Variants in RILPL1 observed in about 807,000 individuals in gnomAD.
RILPL1 encodes the protein Rab interacting lysosomal protein like 1, also known as RILP-like protein 1.
Under a neutral mutation model 50.3 loss-of-function variants are expected in RILPL1, and 33 were observed. The ratio of observed to expected loss-of-function variants is 0.66; its 90% CI spans 0.50 to 0.88. The LOEUF (loss-of-function observed/expected upper bound fraction) is 0.88, where lower values mean the gene tolerates loss of function less well. Ranked by LOEUF, RILPL1 falls within the 40% of genes least tolerant of loss-of-function variation. The probability of loss-of-function intolerance (pLI) is 0.00; values close to 1 mark genes in which losing one functional copy is unlikely to be tolerated. For synonymous variants in RILPL1, 205 were observed against 228.6 expected, an observed-to-expected ratio of 0.90 and a Z score of 0.93; for missense variants, 418 against 542.5, an observed-to-expected ratio of 0.77 and a Z score of 2.28.
Position 123,489,525 on chromosome 12 carries a change from A to G in RILPL1, c.802-3720T>C, listed in dbSNP as rs570087403. The stretch of plus-strand genomic sequence containing the variant: ...TAAAAAACACAAAAATTAGTCAGGC[A>G]TGGTGGTGGGCACCTGTAATCCCAG... On this transcript the variant is annotated intron_variant, in intron 4 of 6. Transcript: ENST00000376874. The surrounding 1 kb of genome is among the most constrained non-coding windows in gnomAD (Gnocchi z 4.0). Among the ~76,000 whole-genome samples the G allele has an allele frequency of 5.3e-5, 8 of 151,332 alleles. No individual in the cohort carries two copies. In the East Asian group the frequency reaches 9.8e-4, roughly 19 times the overall value.
rs1235844645 is a variant in RILPL1 at position 123,506,167 on chromosome 12, T to C, written c.461-6631A>G. 5.9e-5 allele frequency among the ~76,000 whole-genome samples: 9 copies of C among 152,106 alleles called. No homozygotes were observed. In the South Asian group the frequency reaches 1.0e-3, roughly 18 times the overall value. ...CTCTCAGGGCAGGGGTCATTTCCGC[T>C]GAGACCAGAGGCCACAGAGGAAAGG... On this transcript the variant is annotated intron_variant, in intron 2 of 6. Transcript: ENST00000376874.
Position 123,533,448 on chromosome 12 carries a change from T to TCGGCCGCCAGCGCCGACC in RILPL1, c.17_34dup (p.Gly6_Ala11dup). ...GGCCACGTTCTTCTCCAGCGCCGACTCGGCCGCCAGCGCCGACCCCCGCTC... is the reference window on the plus strand; with the variant it reads ...GGCCACGTTCTTCTCCAGCGCCGACTCGGCCGCCAGCGCCGACCCGGCCGCCAGCGCCGACCCCCGCTC... On this transcript the variant is annotated inframe_insertion, in exon 1 of 7. Coordinates refer to ENST00000376874, the MANE Select transcript of RILPL1 (RefSeq NM_178314.5). The surrounding 1 kb of genome is among the most constrained non-coding windows in gnomAD (Gnocchi z 6.2). The TCGGCCGCCAGCGCCGACC allele has an allele frequency of 6.5e-7, 1 of 1,531,118 alleles. No individual in the cohort carries two copies. The highest frequency in any genetic ancestry group is 8.8e-7 in the Non-Finnish European group (1 of 1,136,222). The allele number at this position is 1,531,118 out of a possible 1,614,324, so 94.8% of individuals were successfully genotyped here. A position where few individuals can be genotyped will look rare whatever the true frequency, so the allele number is the denominator to read the frequency against.
At chr12:123,514,751 C>T (rs1884594224) in intron 2 of RILPL1, among the ~76,000 whole-genome samples, 1 of 152,010 alleles carries the variant, frequency 6.6e-6, no homozygotes. Flanking sequence ...AAATGATACA[C>T]TACATGCTGC....
At chr12:123,518,813 C>T (rs2139377778) in intron 2 of RILPL1, among the ~76,000 whole-genome samples, 1 of 152,054 alleles carries the variant, frequency 6.6e-6, no homozygotes, top group East Asian at 1.9e-4. Context: ...AATCCCAGCA[C>T]TTTGGGAGGC....
rs140620976 is a variant in RILPL1, at chr12:123,532,354, G to C, written c.309+820C>G. 1.3e-3 allele frequency among the ~76,000 whole-genome samples: 195 copies of C among 152,230 alleles called. 2 individuals carry two copies. In the Middle Eastern group the frequency reaches 0.027, roughly 21 times the overall value. On this transcript the variant is annotated intron_variant, in intron 1 of 6. Coordinates refer to ENST00000376874, the MANE Select transcript of RILPL1 (RefSeq NM_178314.5). ...CCCAGTGGGGAGGCCCTGATTCAGA[G>C]AGACTCCTGATCACAGGGCAGAGGC...
chr12:123,502,956 C>T (rs11522342), intron 2 of RILPL1, among the ~76,000 whole-genome samples: 23,882 of 151,104 alleles, frequency 0.16, 1,971 homozygotes, highest in Non-Finnish European at 0.18. Context: ...GGTGAGATCT[C>T]GGCTCACTGC....
At chr12:123,502,851 T>C (rs1883482794) in intron 2 of RILPL1, among the ~76,000 whole-genome samples, 1 of 152,168 alleles carries the variant, frequency 6.6e-6, no homozygotes, top group South Asian at 2.1e-4. Flanking sequence ...TATCAAGGTG[T>C]TACCAGGGCC....
chr12:123,484,397 T>C, intron 5 of RILPL1, 125 bp from the exon 6 acceptor site: 1 of 717,864 alleles, frequency 1.4e-6, no homozygotes, highest in South Asian at 1.5e-5. Flanking sequence ...GCATCTGTAT[T>C]TCCAGTTTAT....
intron 2 of RILPL1, among the ~76,000 whole-genome samples, chr12:123,502,355 C>T (rs1247767057): frequency 1.3e-5 from 2 of 152,230 alleles, no homozygotes; most frequent in African/African-American, 2.4e-5. Context: ...GTTACAAAGG[C>T]CTTTGTGCAA....
chr12:123,508,609 G>A (rs903076059), intron 2 of RILPL1, among the ~76,000 whole-genome samples: 5 of 152,234 alleles, frequency 3.3e-5, no homozygotes, highest in African/African-American at 1.2e-4. Context: ...GTGCATTCTG[G>A]GGTGTTGAAC....
At chr12:123,520,508 A>G (rs1884960867) in intron 2 of RILPL1, among the ~76,000 whole-genome samples, 1 of 152,162 alleles carries the variant, frequency 6.6e-6, no homozygotes. Flanking sequence ...GCAGTGAGCC[A>G]AGATTGCGCC....
In RILPL1 at chr12:123,489,650, C is replaced by T. The variant is rs571973974; in HGVS notation, c.802-3845G>A. Among the ~76,000 whole-genome samples, 5 of 150,348 alleles carry T rather than the reference C, an allele frequency of 3.3e-5. No homozygotes were observed. The East Asian group carries it at 9.7e-4, about 29-fold the overall frequency. ...CTGTACTCCAGCCTGGGCGACAGAGCGACAGAGTAAGACTCCATCTTAAAA... is the reference window on the plus strand; with the variant it reads ...CTGTACTCCAGCCTGGGCGACAGAGTGACAGAGTAAGACTCCATCTTAAAA... On this transcript the variant is annotated intron_variant, in intron 4 of 6. Transcript: ENST00000376874. The surrounding 1 kb of genome is among the most constrained non-coding windows in gnomAD (Gnocchi z 4.0).
chr12:123,503,845 C>T (rs1404048518), intron 2 of RILPL1, among the ~76,000 whole-genome samples: 1 of 150,874 alleles, frequency 6.6e-6, no homozygotes, highest in Non-Finnish European at 1.5e-5. Context: ...ACTAAAAATA[C>T]AAAAAATTAG....
chr12:123,485,325 TA>T lies in RILPL1; in HGVS notation c.974+307del. The stretch of plus-strand genomic sequence containing the variant: ...GCCGGGTTTCATTCATTCATTCATT[TA>T]AAAAAAGAGATGAGGTCTCGCTTTG... On this transcript the variant is annotated intron_variant, in intron 5 of 6. Transcript: ENST00000376874. The surrounding 1 kb of genome is among the most constrained non-coding windows in gnomAD (Gnocchi z 4.0). 4.2e-6 allele frequency: 2 copies of T among 477,284 alleles called. No individual in the cohort carries two copies. The highest frequency in any genetic ancestry group is 5.3e-5 in the East Asian group (1 of 18,700). 29.6% of individuals were successfully genotyped at this position (477,284 alleles called of 1,614,324 possible). A position where few individuals can be genotyped will look rare whatever the true frequency, so the allele number is the denominator to read the frequency against.
chr12:123,495,330 G>A (rs1254167479), intron 4 of RILPL1, among the ~76,000 whole-genome samples: 1 of 151,894 alleles, frequency 6.6e-6, no homozygotes, highest in East Asian at 1.9e-4. Context: ...ACCCCTAAGA[G>A]CTTTTAGTTA....
rs1261062241 is a variant in RILPL1 at position 123,489,383 on chromosome 12, G to A, written c.802-3578C>T. ...CTGAAAATACAAAAATTAGCTGGGC[G>A]GCCAGGCACAGTGGCTCACGCCTGT... On this transcript the variant is annotated intron_variant, in intron 4 of 6. Coordinates refer to ENST00000376874, the MANE Select transcript of RILPL1 (RefSeq NM_178314.5). The surrounding 1 kb of genome is among the most constrained non-coding windows in gnomAD (Gnocchi z 4.0). Among the ~76,000 whole-genome samples the A allele has an allele frequency of 2.6e-5, 4 of 151,954 alleles. No individual in the cohort carries two copies. The highest frequency in any genetic ancestry group is 2.1e-4 in the South Asian group (1 of 4,818).
chr12:123,483,386 A>G (rs1261295778), intron 6 of RILPL1, among the ~76,000 whole-genome samples: 1 of 152,196 alleles, frequency 6.6e-6, no homozygotes, highest in Non-Finnish European at 1.5e-5. Flanking sequence ...CTTCCACCCC[A>G]CAACACCATG....
chr12:123,501,604 A>G (rs1324038058), intron 2 of RILPL1, among the ~76,000 whole-genome samples: 1 of 151,928 alleles, frequency 6.6e-6, no homozygotes, highest in African/African-American at 2.4e-5. Context: ...TACTAAAAAT[A>G]CAAAAATTAG....
intron 6 of RILPL1, chr12:123,473,147 CTG>C (rs1322674685): frequency 5.8e-6 from 1 of 171,498 alleles, no homozygotes; most frequent in East Asian, 1.5e-4. Context: ...AGTCAGGAAA[CTG>C]TGGCCCAGAT....
Sources: gnomAD v4.1 joint callset for allele counts (sites outside exome capture counted in the v4.1 genomes callset) on GRCh38, gnomAD v4.1.1 for gene constraint, Gnocchi (gnomAD v3.1) non-coding constraint, MANE v1.5 for transcripts, NCBI Gene and HGNC (gene_info 2026-07-23, HGNC 2026-07-21) for gene names.